Variants in RPH3A observed in about 807,000 individuals in gnomAD.
RPH3A encodes rabphilin-3A.
A neutral mutation model predicts 102.2 loss-of-function variants in RPH3A; 48 were observed. That is an observed-to-expected ratio of 0.47 (90% CI 0.37 to 0.60). The LOEUF (loss-of-function observed/expected upper bound fraction) is 0.60. RPH3A is among the 20% of genes least tolerant of loss of function. The pLI is 0.00. For synonymous variants in RPH3A, 310 were observed against 324.3 expected (o/e 0.96, Z 0.47); for missense variants, 781 against 910.1 (o/e 0.86, Z 1.83).
At chr12:112,714,693 G>A (rs951410619) in intron 1 of RPH3A, among the ~76,000 whole-genome samples, 1 of 152,158 alleles carries the variant, frequency 6.6e-6, no homozygotes, top group Non-Finnish European at 1.5e-5. Context: ...AGACTCATAG[G>A]TTTTGTCTCA....
At position 112,619,912 on chromosome 12, in the gene RPH3A, C is replaced by T. The variant is rs146287854; in HGVS notation, c.-140+44593C>T. ...CTGAATTAGTCAGACTTATTTTTTCCGAGTTACCAAAACAGTCCAACCCAA... is the reference window on the plus strand; with the variant it reads ...CTGAATTAGTCAGACTTATTTTTTCTGAGTTACCAAAACAGTCCAACCCAA... On this transcript the variant is annotated intron_variant, in intron 1 of 21. Coordinates refer to the RPH3A transcript ENST00000543106. 3.4e-4 allele frequency among the ~76,000 whole-genome samples: 51 copies of T among 152,094 alleles called. No homozygotes were observed. The East Asian group carries it at 6.0e-3, about 18-fold the overall frequency.
At chr12:112,867,274 G>A (rs776789276) in intron 7 of RPH3A, among the ~76,000 whole-genome samples, 4 of 151,094 alleles carry the variant, frequency 2.6e-5, no homozygotes, top group Admixed American at 1.3e-4. Context: ...TTTTCTCGGC[G>A]ATTTCTCTTT....
chr12:112,895,947 C>G, intron 21 of RPH3A, 74 bp downstream of exon 21: 3 of 1,026,832 alleles, frequency 2.9e-6, no homozygotes, highest in Middle Eastern at 2.2e-4. Context: ...TCCAGGGCTA[C>G]AGAGAGTTGA....
chr12:112,884,220 C>G (rs2042970040), intron 16 of RPH3A, among the ~76,000 whole-genome samples: 1 of 152,036 alleles, frequency 6.6e-6, no homozygotes. Flanking sequence ...ATCCATGAAC[C>G]CACCCGATAC....
intron 1 of RPH3A, among the ~76,000 whole-genome samples, chr12:112,673,606 C>A (rs781292393): frequency 6.6e-6 from 1 of 151,952 alleles, no homozygotes; most frequent in Non-Finnish European, 1.5e-5. Flanking sequence ...TGTTTTGATA[C>A]AGGCATGCAA....
At chr12:112,767,447 T>C (rs2057704) in intron 1 of RPH3A, among the ~76,000 whole-genome samples, 152,306 of 152,324 alleles carry the variant, frequency 1, 76,144 homozygotes, top group Middle Eastern at 1. Context: ...TACACTGAAC[T>C]GCATGGCGTG....
At chr12:112,680,132 G>A (rs1390080215) in intron 1 of RPH3A, among the ~76,000 whole-genome samples, 2 of 152,152 alleles carry the variant, frequency 1.3e-5, no homozygotes, top group South Asian at 2.1e-4. Context: ...GTGAATGAGG[G>A]GCGAGTGGTA....
chr12:112,717,317 C>T (rs1039267659), intron 1 of RPH3A, among the ~76,000 whole-genome samples: 3 of 152,152 alleles, frequency 2.0e-5, no homozygotes, highest in Non-Finnish European at 2.9e-5. Context: ...TGCCTATTCT[C>T]CTACCCTCAA....
At chr12:112,670,625 G>A (rs1410965676) in intron 1 of RPH3A, among the ~76,000 whole-genome samples, 1 of 152,172 alleles carries the variant, frequency 6.6e-6, no homozygotes, top group African/African-American at 2.4e-5. Flanking sequence ...TTAGGTCTGG[G>A]CTGGGCTTAC....
chr12:112,610,432 G>A (rs2039630399), intron 1 of RPH3A, among the ~76,000 whole-genome samples: 1 of 150,856 alleles, frequency 6.6e-6, no homozygotes, highest in Non-Finnish European at 1.5e-5. Context: ...GAACCCAGGA[G>A]GTGGAGGTTG....
At chr12:112,675,609 T>A (rs1366602491) in intron 1 of RPH3A, among the ~76,000 whole-genome samples, 2 of 152,184 alleles carry the variant, frequency 1.3e-5, no homozygotes, top group Non-Finnish European at 2.9e-5. Flanking sequence ...ATTTTTGCTT[T>A]GCTTTATTAC....
chr12:112,737,562 C>T lies in RPH3A; in HGVS notation c.-139-54581C>T, dbSNP rs139094131. On this transcript the variant is annotated intron_variant, in intron 1 of 21. Coordinates refer to the RPH3A transcript ENST00000543106. ...GGATAGCATAGACATGCCATGACTT[C>T]CCATTTCAATCCCAGACAGACATGG... Among the ~76,000 whole-genome samples, 743 of 152,236 alleles carry T rather than the reference C, an allele frequency of 4.9e-3. 4 individuals are homozygous for T. Among genetic ancestry groups the T allele is most frequent in the African/African-American group, 0.016 (668 of 41,548 alleles).
intron 1 of RPH3A, among the ~76,000 whole-genome samples, chr12:112,718,751 C>T (rs1236604450): frequency 6.6e-6 from 1 of 152,178 alleles, no homozygotes; most frequent in Non-Finnish European, 1.5e-5. Flanking sequence ...AACTTCAATC[C>T]ATTGGTAATG....
At chr12:112,811,849 C>T (rs1454736894) in intron 2 of RPH3A, among the ~76,000 whole-genome samples, 1 of 152,082 alleles carries the variant, frequency 6.6e-6, no homozygotes, top group Non-Finnish European at 1.5e-5. Context: ...TACCAAAGGA[C>T]ACTTATTTGC....
At chr12:112,893,508 T>C (rs1251150298) in intron 19 of RPH3A, 1 of 152,254 alleles carries the variant, frequency 6.6e-6, no homozygotes, top group Non-Finnish European at 1.5e-5. Flanking sequence ...ATATTTTGTT[T>C]TGTTTGGTTT....
intron 1 of RPH3A, among the ~76,000 whole-genome samples, chr12:112,676,699 C>T (rs1047896194): frequency 6.6e-6 from 1 of 152,154 alleles, no homozygotes; most frequent in Non-Finnish European, 1.5e-5. Flanking sequence ...TATTCAGGTA[C>T]TCTAATGGCT....
intron 1 of RPH3A, among the ~76,000 whole-genome samples, chr12:112,637,918 T>C (rs1358343835): frequency 6.6e-6 from 1 of 151,574 alleles, no homozygotes. Context: ...TACCATAATA[T>C]TTCCTGGGCA....
At chr12:112,777,657 C>T (rs888867008) in intron 1 of RPH3A, among the ~76,000 whole-genome samples, 1 of 152,154 alleles carries the variant, frequency 6.6e-6, no homozygotes, top group Non-Finnish European at 1.5e-5. Flanking sequence ...TAGTTAATTG[C>T]CTAGTGAAGT....
At chr12:112,577,867 G>A (rs987500099) in intron 1 of RPH3A, among the ~76,000 whole-genome samples, 12 of 152,036 alleles carry the variant, frequency 7.9e-5, no homozygotes, top group African/African-American at 2.9e-4. Context: ...TTTGGGAGCC[G>A]TGGCTCTGTC....
Sources: gnomAD v4.1 joint callset for allele counts (sites outside exome capture counted in the v4.1 genomes callset) on GRCh38, gnomAD v4.1.1 for gene constraint, MANE v1.5 for transcripts, NCBI Gene and HGNC (gene_info 2026-07-23, HGNC 2026-07-21) for gene names.